Variants in NETO1 observed in about 807,000 individuals in gnomAD.
The protein encoded by NETO1 is neuropilin and tolloid like 1, also known as neuropilin and tolloid-like protein 1.
Under a neutral mutation model 61.3 loss-of-function variants are expected in NETO1, and 26 were observed. The observed-to-expected ratio is 0.42, with a 90% confidence interval of 0.31 to 0.59. The LOEUF (loss-of-function observed/expected upper bound fraction) is 0.59, where lower values mean the gene tolerates loss of function less well. Ranked by LOEUF, NETO1 falls within the 20% of genes least tolerant of loss-of-function variation. The pLI, the probability that NETO1 is intolerant of heterozygous loss-of-function variation, is 0.12. For synonymous variants in NETO1, 225 were observed against 225.8 expected (o/e 1.00, Z 0.03); for missense variants, 531 against 662.8 (o/e 0.80, Z 2.18).
At position 72,765,720 on chromosome 18, in the gene NETO1, A is replaced by G. The variant is rs138432378; in HGVS notation, c.869-9573T>C. On this transcript the variant is annotated intron_variant, in intron 7 of 10. Coordinates refer to ENST00000327305, the MANE Select transcript of NETO1 (RefSeq NM_138966.5). ...GCGTGAGCCACAGTGCCAGGCCAGA[A>G]TAAAAATTATTTAAGCAACACAATG... 3.0e-3 allele frequency among the ~76,000 whole-genome samples: 461 copies of G among 152,278 alleles called. 1 individual carries two copies. The highest frequency in any genetic ancestry group is 0.01 in the Middle Eastern group (3 of 294).
At chr18:72,749,132 C>CA (rs35742923) in intron 9 of NETO1, 44 bp from the exon 10 acceptor site, 710,355 of 1,042,292 alleles carry the variant, frequency 0.68, 247,285 homozygotes, top group Admixed American at 0.8. Flanking sequence ...ACTATTTGCA[C>CA]AAAAAAATAT....
intron 4 of NETO1, among the ~76,000 whole-genome samples, chr18:72,817,116 G>A (rs914462412): frequency 6.6e-6 from 1 of 152,134 alleles, no homozygotes; most frequent in Non-Finnish European, 1.5e-5. Context: ...TCTTCTCTTG[G>A]AACCTGAGTT....
intron 7 of NETO1, among the ~76,000 whole-genome samples, chr18:72,764,631 C>T (rs544701345): frequency 4.6e-4 from 70 of 152,224 alleles, no homozygotes; most frequent in African/African-American, 1.6e-3. Context: ...GTGTGAGATC[C>T]AGACTTACCC....
intron 4 of NETO1, among the ~76,000 whole-genome samples, chr18:72,795,327 C>A (rs1466042945): frequency 6.6e-6 from 1 of 152,078 alleles, no homozygotes; most frequent in Non-Finnish European, 1.5e-5. Context: ...ATGCTTGTAT[C>A]GGACGTCGTG....
chr18:72,859,080 A>T lies in NETO1; in HGVS notation c.221-6T>A, dbSNP rs774563427. The T allele has an allele frequency of 6.3e-7, 1 of 1,585,300 alleles. No individual in the cohort carries two copies. The highest frequency in any genetic ancestry group is 8.6e-7 in the Non-Finnish European group (1 of 1,167,312). On this transcript the variant is annotated splice_polypyrimidine_tract_variant and splice_region_variant and intron_variant, in intron 3 of 10. Transcript: ENST00000327305. The stretch of plus-strand genomic sequence containing the variant: ...AATGCACTGTCTTGGAGCGGCTGTA[A>T]AGAAGAAAGATTGTGTCTAGGAGGT...
chr18:72,761,380 A>G (rs997470145), intron 7 of NETO1, among the ~76,000 whole-genome samples: 3 of 152,246 alleles, frequency 2.0e-5, no homozygotes, highest in Non-Finnish European at 4.4e-5. Flanking sequence ...AATTATGCAT[A>G]TTAAATAAAA....
chr18:72,821,559 CAA>C (rs11420100), intron 4 of NETO1, among the ~76,000 whole-genome samples: 25 of 87,186 alleles, frequency 2.9e-4, no homozygotes, highest in East Asian at 1.1e-3. Flanking sequence ...GGGTGAAACT[CAA>C]AAAAAAAAAA....
chr18:72,817,504 A>AT (rs903043285), intron 4 of NETO1, among the ~76,000 whole-genome samples: 27 of 151,952 alleles, frequency 1.8e-4, no homozygotes, highest in Middle Eastern at 3.4e-3. Context: ...AATGTTAGAG[A>AT]TTTTTTTTTA....
At chr18:72,799,796 T>C (rs1286471818) in intron 4 of NETO1, among the ~76,000 whole-genome samples, 1 of 152,214 alleles carries the variant, frequency 6.6e-6, no homozygotes, top group Admixed American at 6.5e-5. Context: ...AGTTTTTTAG[T>C]TAAGAGAGCC....
At chr18:72,824,319 C>T (rs2073305921) in intron 4 of NETO1, among the ~76,000 whole-genome samples, 1 of 152,272 alleles carries the variant, frequency 6.6e-6, no homozygotes, top group African/African-American at 2.4e-5. Context: ...GTCTCCTTTC[C>T]ATGGCATTCT....
chr18:72,808,633 C>G (rs1011320526), intron 4 of NETO1, among the ~76,000 whole-genome samples: 9 of 152,236 alleles, frequency 5.9e-5, no homozygotes, highest in Non-Finnish European at 1.2e-4. Context: ...CATGGCAAAG[C>G]CTTGTGTGTT....
rs2074773059 is a variant in NETO1, at chr18:72,867,358, G to A, written c.-67C>T. On this transcript the variant is annotated 5_prime_UTR_variant, in exon 1 of 11. Coordinates refer to ENST00000327305, the MANE Select transcript of NETO1 (RefSeq NM_138966.5). The stretch of plus-strand genomic sequence containing the variant: ...ATTTAGAGACGGGAAGACTTCCAGT[G>A]GCGGGGGGAGGACAGGGTCGAGAGG... The A allele has an allele frequency of 1.5e-6, 2 of 1,374,400 alleles. No individual in the cohort carries two copies. Among genetic ancestry groups the A allele is most frequent in the South Asian group, 2.8e-5 (2 of 71,884 alleles). 85.1% of individuals were successfully genotyped at this position (1,374,400 alleles called of 1,614,324 possible). A position where few individuals can be genotyped will look rare whatever the true frequency, so the allele number is the denominator to read the frequency against.
intron 4 of NETO1, among the ~76,000 whole-genome samples, chr18:72,846,911 T>G (rs1411257417): frequency 6.6e-6 from 1 of 152,216 alleles, no homozygotes; most frequent in Non-Finnish European, 1.5e-5. Context: ...TTCCACAAAT[T>G]CTACTTTGTT....
intron 4 of NETO1, among the ~76,000 whole-genome samples, chr18:72,854,682 C>T (rs1212723290): frequency 6.6e-6 from 1 of 152,278 alleles, no homozygotes; most frequent in East Asian, 1.9e-4. Context: ...AAAAGGCATT[C>T]TTAGTTTGAG....
intron 7 of NETO1, among the ~76,000 whole-genome samples, chr18:72,760,034 T>C (rs2070919608): frequency 6.6e-6 from 1 of 152,228 alleles, no homozygotes; most frequent in Admixed American, 6.5e-5. Flanking sequence ...CGATTTGCTA[T>C]TGCTTTTTGT....
chr18:72,789,210 G>GCACACACACAAGCACA (rs2072027666), intron 6 of NETO1, among the ~76,000 whole-genome samples: 2 of 141,460 alleles, frequency 1.4e-5, no homozygotes, highest in African/African-American at 5.2e-5. Context: ...TAACACACAA[G>GCACACACACAAGCACA]CACACACACA....
At chr18:72,814,169 A>T (rs1305108813) in intron 4 of NETO1, among the ~76,000 whole-genome samples, 1 of 152,144 alleles carries the variant, frequency 6.6e-6, no homozygotes, top group East Asian at 1.9e-4. Flanking sequence ...TTTTAGATGC[A>T]AAAAGGAATA....
rs575601769 is a variant in NETO1, at chr18:72,832,981, T to TCTC, written c.469+25842_469+25844dup. On this transcript the variant is annotated intron_variant, in intron 4 of 10. Transcript: ENST00000327305. The stretch of plus-strand genomic sequence containing the variant: ...ACATTTTTAGAAGGCTATGTAAATG[T>TCTC]CTCTAATGCTCTTCATATTCTCAAC... Among the ~76,000 whole-genome samples, 125 of 152,306 alleles carry TCTC rather than the reference T, an allele frequency of 8.2e-4. 1 individual carries two copies. In the South Asian group the frequency reaches 0.023, roughly 28 times the overall value.
At chr18:72,769,497 C>T (rs1431688556) in intron 7 of NETO1, among the ~76,000 whole-genome samples, 1 of 152,180 alleles carries the variant, frequency 6.6e-6, no homozygotes, top group Non-Finnish European at 1.5e-5. Flanking sequence ...TGTACATACT[C>T]TTGCTTTCCT....
Sources: allele counts gnomAD v4.1 joint callset (sites outside exome capture counted in the v4.1 genomes callset), GRCh38; gene constraint gnomAD v4.1.1; transcripts MANE v1.5; gene names NCBI Gene and HGNC (gene_info 2026-07-23, HGNC 2026-07-21).